CALCOCO2: variants seen among roughly 807,000 people sequenced by gnomAD.
The protein encoded by CALCOCO2 is calcium-binding and coiled-coil domain-containing protein 2.
In CALCOCO2, 42 loss-of-function variants were observed where a neutral mutation model predicts 62.5. The observed-to-expected ratio is 0.67, with a 90% CI of 0.53 to 0.87. The LOEUF (loss-of-function observed/expected upper bound fraction) is 0.87, where lower values mean the gene tolerates loss of function less well. Among genes scored for constraint, CALCOCO2 ranks in the 40% least tolerant of loss-of-function variants. CALCOCO2 has a pLI of 0.00. For missense variants in CALCOCO2, 456 were observed against 515.0 expected (o/e 0.89, Z 1.11); for synonymous variants, 167 against 173.0 (o/e 0.97, Z 0.27).
intron 7 of CALCOCO2, among the ~76,000 whole-genome samples, chr17:48,852,163 A>T (rs1055734323): frequency 1.3e-5 from 2 of 151,700 alleles, no homozygotes; most frequent in African/African-American, 4.9e-5. Context: ...AAAAATCATG[A>T]TTCACAAGGA....
intron 2 of CALCOCO2, among the ~76,000 whole-genome samples, chr17:48,844,621 C>T (rs754369231): frequency 5.3e-5 from 8 of 151,968 alleles, no homozygotes; most frequent in Non-Finnish European, 1.2e-4. Context: ...CCAGTTCAAG[C>T]GATTTCCTGT....
intron 10 of CALCOCO2, chr17:48,856,402 A>G (rs1311366064): frequency 2.0e-6 from 1 of 502,000 alleles, no homozygotes; most frequent in Non-Finnish European, 3.7e-6. Flanking sequence ...TGGCATGGCA[A>G]TAGTCACCTT....
At chr17:48,858,894 A>G (rs1023338529) in intron 10 of CALCOCO2, among the ~76,000 whole-genome samples, 7 of 151,522 alleles carry the variant, frequency 4.6e-5, no homozygotes, top group Non-Finnish European at 5.9e-5. Flanking sequence ...AAATACAAAA[A>G]AGTAGCCAGG....
chr17:48,851,622 G>A lies in CALCOCO2; in HGVS notation c.696G>A (p.Gln232=), dbSNP rs1451998381. The change falls in exon 7 of 13, where the codon CAG becomes CAA. Residue 232 remains glutamine, a synonymous_variant. Coordinates refer to ENST00000258947, the MANE Select transcript of CALCOCO2 (RefSeq NM_005831.5). ...AGAAGATGGGAATCAGAGTGGATCA[G>A]CTTCAGGTAGGTAATGCCATATGTT... ...ENEKMGIRVD[Q]LQAQLSTQEK... is the part of the protein sequence containing the mutation. 6.3e-7 allele frequency: 1 copy of A among 1,577,992 alleles called. No homozygotes were observed. Among genetic ancestry groups the A allele is most frequent in the Non-Finnish European group, 8.7e-7 (1 of 1,146,828 alleles).
At chr17:48,846,040 C>T in intron 2 of CALCOCO2, 1 of 1,470,130 alleles carries the variant, frequency 6.8e-7, no homozygotes, top group Non-Finnish European at 9.2e-7. Context: ...TCAGTGTAGT[C>T]TTAATCAGAC....
At chr17:48,850,918 A>T (rs2040119840) in intron 5 of CALCOCO2, 171 bp from the exon 6 acceptor site, 1 of 23,886 alleles carries the variant, frequency 4.2e-5, no homozygotes, top group Non-Finnish European at 6.0e-5. Flanking sequence ...ACACTGTCTT[A>T]AAAAAAAAAA....
intron 5 of CALCOCO2, among the ~76,000 whole-genome samples, chr17:48,850,055 C>T (rs1030116568): frequency 4.0e-5 from 6 of 151,680 alleles, no homozygotes; most frequent in Non-Finnish European, 7.4e-5. Context: ...AATCTCAGCA[C>T]TTTGGGAGGC....
chr17:48,836,825 C>T (rs1351184654), intron 1 of CALCOCO2, among the ~76,000 whole-genome samples: 8 of 144,224 alleles, frequency 5.5e-5, no homozygotes, highest in Non-Finnish European at 1.0e-4. Context: ...TGCAGTGGTG[C>T]GATCTCAGCT....
intron 1 of CALCOCO2, among the ~76,000 whole-genome samples, chr17:48,839,852 T>G (rs2039953109): frequency 6.6e-6 from 1 of 150,950 alleles, no homozygotes; most frequent in African/African-American, 2.4e-5. Context: ...ATTTTGTATT[T>G]TTAGTAAAGA....
intron 1 of CALCOCO2, among the ~76,000 whole-genome samples, chr17:48,837,336 T>C (rs2039907327): frequency 6.6e-6 from 1 of 152,076 alleles, no homozygotes; most frequent in African/African-American, 2.4e-5. Context: ...AATGTGAACA[T>C]TCCCCCACCG....
chr17:48,850,440 G>A (rs1475183755), intron 5 of CALCOCO2, among the ~76,000 whole-genome samples: 1 of 152,108 alleles, frequency 6.6e-6, no homozygotes. Flanking sequence ...CTGAGCAACA[G>A]AGCAAGACTT....
chr17:48,860,393 C>A lies in CALCOCO2; in HGVS notation c.1088C>A (p.Ser363Ter). ...FNSLPYQVPT[S>*]DEGGARQNPG... ...TCTTTGCCGTATCAAGTACCTACTT[C>A]AGATGAAGGAGGCGCAAGACAAAAT... Residue 363 changes from serine (S) to a stop codon, truncating the protein, a stop_gained, in exon 11 of 13, where the codon TCA becomes TAA. Coordinates refer to ENST00000258947, the MANE Select transcript of CALCOCO2 (RefSeq NM_005831.5). LOFTEE classifies it high-confidence loss of function. The A allele has an allele frequency of 6.2e-7, 1 of 1,613,694 alleles. No individual in the cohort carries two copies. Among genetic ancestry groups the A allele is most frequent in the Non-Finnish European group, 8.5e-7 (1 of 1,179,580 alleles).
intron 1 of CALCOCO2, among the ~76,000 whole-genome samples, chr17:48,837,196 T>C (rs950681857): frequency 2.0e-5 from 3 of 152,198 alleles, no homozygotes; most frequent in African/African-American, 7.2e-5. Context: ...CATATGACGG[T>C]AGACCACTTG....
intron 1 of CALCOCO2, among the ~76,000 whole-genome samples, chr17:48,836,757 TC>T (rs1177087004): frequency 6.8e-6 from 1 of 146,760 alleles, no homozygotes; most frequent in Non-Finnish European, 1.5e-5. Flanking sequence ...CGGAAGTCAC[TC>T]TTTTTTTTTT....
At chr17:48,833,894 C>A (rs945593971) in intron 1 of CALCOCO2, among the ~76,000 whole-genome samples, 2 of 151,920 alleles carry the variant, frequency 1.3e-5, no homozygotes, top group Non-Finnish European at 2.9e-5. Context: ...TTTGGGAGGC[C>A]GAGGCAGATG....
Position 48,842,654 on chromosome 17 carries a change from T to TTC in CALCOCO2, c.180+768_180+769insCT, listed in dbSNP as rs2039991826. 2.0e-5 allele frequency: 3 copies of TTC among 152,054 alleles called. No homozygotes were observed. The South Asian group carries it at 6.2e-4, about 32-fold the overall frequency. The allele number at this position is 152,054 out of a possible 1,614,324, so 9.4% of individuals were successfully genotyped here. ...GCCTAACTGATTTCTTTCTTTTTTT[T>TTC]TTTTTCTTTGAGACGGAGTCTCATT... On this transcript the variant is annotated intron_variant, in intron 2 of 12. Transcript: ENST00000258947.
chr17:48,858,051 G>GAATAGAA (rs2040264560), intron 10 of CALCOCO2, among the ~76,000 whole-genome samples: 1 of 120,866 alleles, frequency 8.3e-6, no homozygotes, highest in Non-Finnish European at 1.8e-5. Context: ...ATAGAAAATA[G>GAATAGAA]AATAGAATAG....
At chr17:48,838,200 G>T (rs578020910) in intron 1 of CALCOCO2, among the ~76,000 whole-genome samples, 1 of 152,082 alleles carries the variant, frequency 6.6e-6, no homozygotes, top group South Asian at 2.1e-4. Flanking sequence ...ATGACTGGGG[G>T]CTGCATGTGT....
At chr17:48,855,061 C>T (rs1343936713) in intron 9 of CALCOCO2, among the ~76,000 whole-genome samples, 1 of 152,076 alleles carries the variant, frequency 6.6e-6, no homozygotes, top group Non-Finnish European at 1.5e-5. Context: ...GTTCTTAGAC[C>T]AAGTCCAGAA....
Sources: gnomAD v4.1 joint callset for allele counts (sites outside exome capture counted in the v4.1 genomes callset) on GRCh38, gnomAD v4.1.1 for gene constraint, MANE v1.5 for transcripts, NCBI Gene and HGNC (gene_info 2026-07-23, HGNC 2026-07-21) for gene names.